The following DNAH11 variants were observed in gnomAD, a reference collection of about 807,000 sequenced individuals.
The protein encoded by DNAH11 is axonemal beta dynein heavy chain 11.
A neutral mutation model predicts 526.0 loss-of-function variants in DNAH11; 442 were observed. That is an observed-to-expected ratio of 0.84 (90% CI 0.78 to 0.91). DNAH11 has a LOEUF of 0.91. Among genes scored for constraint, DNAH11 ranks in the 40% least tolerant of loss-of-function variants. The pLI, the probability that DNAH11 is intolerant of heterozygous loss-of-function variation, is 0.00. For missense variants in DNAH11, 6,989 were observed against 5,448.7 expected (o/e 1.28, Z -8.90); for synonymous variants, 2,461 against 1,935.9 (o/e 1.27, Z -7.12).
At chr7:21,624,054 A>T (rs966567231) in intron 25 of DNAH11, among the ~76,000 whole-genome samples, 1 of 152,024 alleles carries the variant, frequency 6.6e-6, no homozygotes, top group South Asian at 2.1e-4. Context: ...CAGAGCCCTC[A>T]TGGTACCTCT....
chr7:21,653,711 A>G (rs185629806), intron 28 of DNAH11, among the ~76,000 whole-genome samples: 146 of 152,324 alleles, frequency 9.6e-4, no homozygotes, highest in African/African-American at 3.5e-3. Context: ...CCAAGCTGTG[A>G]TCAGGCAGCT....
chr7:21,765,692 C>A (rs1787153137), intron 55 of DNAH11, 103 bp downstream of exon 55: 1 of 1,338,520 alleles, frequency 7.5e-7, no homozygotes, highest in Non-Finnish European at 9.9e-7. Context: ...GTGCTTTCCA[C>A]AGTACATCTC....
chr7:21,899,550 C>G (rs1320346374), intron 80 of DNAH11, 102 bp downstream of exon 80: 2 of 898,578 alleles, frequency 2.2e-6, no homozygotes, highest in Non-Finnish European at 3.5e-6. Flanking sequence ...CCCTGCTCAC[C>G]AATCCTCAAG....
intron 65 of DNAH11, among the ~76,000 whole-genome samples, chr7:21,819,847 A>G (rs1209893592): frequency 6.6e-6 from 1 of 152,178 alleles, no homozygotes; most frequent in South Asian, 2.1e-4. Context: ...TCAGGCCAGA[A>G]CAGTTTAATT....
chr7:21,732,763 A>G (rs974642443), intron 45 of DNAH11, among the ~76,000 whole-genome samples: 2 of 152,230 alleles, frequency 1.3e-5, no homozygotes, highest in African/African-American at 4.8e-5. Flanking sequence ...ATTGACTTCA[A>G]TTTAAGACAG....
chr7:21,727,042 T>C (rs1785150158), intron 45 of DNAH11, among the ~76,000 whole-genome samples: 1 of 141,650 alleles, frequency 7.1e-6, no homozygotes, highest in Non-Finnish European at 1.5e-5. Flanking sequence ...CAAGTGACTC[T>C]CCTGCCTCAG....
At chr7:21,815,121 G>A (rs75881648) in intron 63 of DNAH11, among the ~76,000 whole-genome samples, 1 of 152,078 alleles carries the variant, frequency 6.6e-6, no homozygotes, top group East Asian at 1.9e-4. Flanking sequence ...TCTCTACTCT[G>A]CACAGAGTAG....
intron 28 of DNAH11, among the ~76,000 whole-genome samples, chr7:21,654,930 T>A (rs1356301407): frequency 6.6e-6 from 1 of 152,210 alleles, no homozygotes; most frequent in African/African-American, 2.4e-5. Flanking sequence ...CGGTCTGTGC[T>A]AACATAACAA....
intron 59 of DNAH11, 59 bp from the exon 60 acceptor site, chr7:21,787,342 C>G: frequency 2.0e-6 from 3 of 1,516,548 alleles, no homozygotes; most frequent in Non-Finnish European, 2.7e-6. Flanking sequence ...AACTTTTGAT[C>G]TTGGAATTTT....
At chr7:21,889,391 A>G (rs935721390) in intron 76 of DNAH11, among the ~76,000 whole-genome samples, 3 of 152,190 alleles carry the variant, frequency 2.0e-5, no homozygotes, top group Non-Finnish European at 4.4e-5. Flanking sequence ...TATGTTTTCA[A>G]TTCTTTCGGA....
intron 2 of DNAH11, among the ~76,000 whole-genome samples, chr7:21,556,009 C>A (rs1338611968): frequency 1.3e-5 from 2 of 152,150 alleles, no homozygotes; most frequent in Non-Finnish European, 2.9e-5. Flanking sequence ...GGCAGGCACA[C>A]CCGAGGCAGC....
intron 61 of DNAH11, among the ~76,000 whole-genome samples, chr7:21,792,730 C>T (rs1019375593): frequency 4.0e-5 from 6 of 151,788 alleles, no homozygotes; most frequent in South Asian, 2.1e-4. Context: ...CTGTGGTATC[C>T]GTTGTTATAT....
At chr7:21,858,179 G>A (rs1235476910) in intron 68 of DNAH11, among the ~76,000 whole-genome samples, 1 of 152,126 alleles carries the variant, frequency 6.6e-6, no homozygotes, top group Non-Finnish European at 1.5e-5. Context: ...GCAGAATGAG[G>A]TCTTATTCTA....
chr7:21,695,548 A>G (rs1783813812), intron 35 of DNAH11, among the ~76,000 whole-genome samples: 1 of 152,184 alleles, frequency 6.6e-6, no homozygotes, highest in Admixed American at 6.5e-5. Flanking sequence ...CATATGCAGA[A>G]AAAAAGCTGG....
intron 18 of DNAH11, 71 bp downstream of exon 18, chr7:21,601,689 T>G: frequency 8.5e-7 from 1 of 1,172,722 alleles, no homozygotes; most frequent in Non-Finnish European, 1.2e-6. Context: ...ACTTTACATG[T>G]ACTCTCTTAT....
intron 44 of DNAH11, among the ~76,000 whole-genome samples, chr7:21,723,872 A>T (rs923422785): frequency 3.9e-5 from 6 of 152,034 alleles, no homozygotes; most frequent in Non-Finnish European, 7.4e-5. Flanking sequence ...TGAACATCCA[A>T]TTAAAATAGG....
chr7:21,677,082 T>G (rs1250245709), intron 30 of DNAH11, among the ~76,000 whole-genome samples: 7 of 152,090 alleles, frequency 4.6e-5, no homozygotes. Context: ...ATATTAGACA[T>G]AAAACAATAA....
chr7:21,711,890 A>T, intron 42 of DNAH11, 30 bp downstream of exon 42: 1 of 1,574,114 alleles, frequency 6.4e-7, no homozygotes. Flanking sequence ...TTATTGTAGT[A>T]AATTGTATGT....
At position 21,739,534 on chromosome 7, in the gene DNAH11, A is replaced by G. The variant is rs1341934616; in HGVS notation, c.7812-37A>G. The G allele has an allele frequency of 3.8e-6, 6 of 1,560,970 alleles. No homozygotes were observed. The African/African-American group carries it at 6.8e-5, about 18-fold the overall frequency. ...TAGATTTTGCTCTTTTGTCATCTCC[A>G]GTTTTTGGATTTAAGGTTCTGTTTT... On this transcript the variant is annotated intron_variant, in intron 47 of 81. Transcript: ENST00000409508.
Sources: gnomAD v4.1 joint callset for allele counts (sites outside exome capture counted in the v4.1 genomes callset) on GRCh38, gnomAD v4.1.1 for gene constraint, MANE v1.5 for transcripts, NCBI Gene and HGNC (gene_info 2026-07-23, HGNC 2026-07-21) for gene names.